Variants in SYT15B observed in about 807,000 individuals in gnomAD.
The protein encoded by SYT15B is synaptotagmin 15B, also known as synaptotagmin-15.
chr10:47,760,671 G>A, the SYT15B span: 1 of 590,920 alleles, frequency 1.7e-6, no homozygotes, highest in Non-Finnish European at 3.0e-6. Flanking sequence ...TGGTCCCTGG[G>A]TGGTCCCTGG....
At chr10:47,750,233 G>A in the SYT15B span, among the ~76,000 whole-genome samples, 1 of 150,692 alleles carries the variant, frequency 6.6e-6, no homozygotes, top group South Asian at 2.1e-4. Flanking sequence ...CACAACTGCA[G>A]AATGCACATT....
the SYT15B span, among the ~76,000 whole-genome samples, chr10:47,762,128 G>A: frequency 1.4e-5 from 2 of 144,178 alleles, no homozygotes; most frequent in Non-Finnish European, 3.1e-5. Context: ...CCTGCTGCAA[G>A]GCTGGACTCT....
the SYT15B span, among the ~76,000 whole-genome samples, chr10:47,748,168 A>T: frequency 6.6e-6 from 1 of 151,596 alleles, no homozygotes. Context: ...CCCAAGCAGG[A>T]TAAATAAAAA....
chr10:47,748,675 G>T, the SYT15B span, among the ~76,000 whole-genome samples: 1 of 151,754 alleles, frequency 6.6e-6, no homozygotes, highest in African/African-American at 2.4e-5. Context: ...CTTTTGTAGA[G>T]GGGGGGGATC....
the SYT15B span, among the ~76,000 whole-genome samples, chr10:47,755,474 C>A: frequency 6.6e-6 from 1 of 151,116 alleles, no homozygotes; most frequent in East Asian, 1.9e-4. Context: ...CCAGGATGGT[C>A]TCGATCTCCT....
chr10:47,746,451 T>C, the SYT15B span, among the ~76,000 whole-genome samples: 4 of 63,016 alleles, frequency 6.3e-5, no homozygotes, highest in African/African-American at 9.6e-5. Flanking sequence ...GATCATGCCA[T>C]TGCACTCCAG....
the SYT15B span, chr10:47,761,592 A>ACAG: frequency 1.5e-5 from 20 of 1,330,588 alleles, no homozygotes; most frequent in African/African-American, 4.4e-5. Flanking sequence ...GCCCCGATCA[A>ACAG]CAGCAGCAGC....
chr10:47,750,857 A>C, the SYT15B span: 2 of 151,936 alleles, frequency 1.3e-5, no homozygotes, highest in African/African-American at 4.8e-5. Flanking sequence ...CACACACACA[A>C]AAGTGTACAC....
At chr10:47,750,362 ATTT>A in the SYT15B span, among the ~76,000 whole-genome samples, 1 of 134,722 alleles carries the variant, frequency 7.4e-6, no homozygotes, top group African/African-American at 2.8e-5. Flanking sequence ...TACTTATTTT[ATTT>A]TTTTGTTTAT....
the SYT15B span, among the ~76,000 whole-genome samples, chr10:47,749,339 T>C: frequency 2.0e-5 from 3 of 149,840 alleles, no homozygotes; most frequent in Admixed American, 6.7e-5. Context: ...AGAAGAAAAC[T>C]GATCTATGAT....
chr10:47,745,540 T>A, the SYT15B span, among the ~76,000 whole-genome samples: 1 of 16,152 alleles, frequency 6.2e-5, no homozygotes. Context: ...ATTTCCACAG[T>A]GCAAAATAGC....
the SYT15B span, among the ~76,000 whole-genome samples, chr10:47,749,750 CA>C: frequency 2.0e-5 from 3 of 149,234 alleles, no homozygotes; most frequent in African/African-American, 7.4e-5. Flanking sequence ...ATGGGTAAGA[CA>C]AATGGAAACA....
the SYT15B span, among the ~76,000 whole-genome samples, chr10:47,754,972 T>G: frequency 8.0e-6 from 1 of 125,432 alleles, no homozygotes; most frequent in Admixed American, 8.3e-5. Flanking sequence ...TCTTTTTTTT[T>G]TTTTTGACAG....
the SYT15B span, among the ~76,000 whole-genome samples, chr10:47,746,764 T>A: frequency 1.7e-5 from 2 of 120,630 alleles, no homozygotes; most frequent in African/African-American, 6.0e-5. Context: ...CTTATTTAAG[T>A]ATGGCATTGA....
the SYT15B span, chr10:47,760,945 GA>G: frequency 6.6e-7 from 1 of 1,518,876 alleles, no homozygotes; most frequent in Non-Finnish European, 8.8e-7. Context: ...CAGAGTCAGG[GA>G]GACAACATGT....
At chr10:47,762,338 C>A in the SYT15B span, among the ~76,000 whole-genome samples, 1 of 147,218 alleles carries the variant, frequency 6.8e-6, no homozygotes, top group South Asian at 2.2e-4. Flanking sequence ...CGCTGGCCAC[C>A]TGGGGCGGGC....
At chr10:47,751,160 C>T in the SYT15B span, 2 of 151,922 alleles carry the variant, frequency 1.3e-5, no homozygotes, top group African/African-American at 4.8e-5. Flanking sequence ...TGAGGATGGA[C>T]AAGAATACCC....
At chr10:47,748,776 T>C in the SYT15B span, among the ~76,000 whole-genome samples, 9 of 149,888 alleles carry the variant, frequency 6.0e-5, no homozygotes, top group Admixed American at 2.0e-4. Flanking sequence ...GACACATTAC[T>C]CTCAAAGGAG....
the SYT15B span, among the ~76,000 whole-genome samples, chr10:47,746,137 TGAGGTCCG>T: frequency 2.7e-5 from 3 of 111,772 alleles, no homozygotes; most frequent in Non-Finnish European, 5.7e-5. Context: ...GCAGATCACC[TGAGGTCCG>T]GAGTTCGAGA....
Sources: allele counts gnomAD v4.1 joint callset (sites outside exome capture counted in the v4.1 genomes callset), GRCh38; gene constraint gnomAD v4.1.1; transcripts MANE v1.5; gene names NCBI Gene and HGNC (gene_info 2026-07-23, HGNC 2026-07-21).